Variants in SMCO2 observed in about 807,000 individuals in gnomAD.
SMCO2 encodes single-pass membrane and coiled-coil domain-containing protein 2.
A neutral mutation model predicts 29.5 loss-of-function variants in SMCO2; 25 were observed. The observed-to-expected ratio is 0.85, with a 90% CI of 0.62 to 1.18. The LOEUF is 1.18. SMCO2 is among the 50% of genes most tolerant of loss of function. The pLI, the probability that SMCO2 is intolerant of heterozygous loss-of-function variation, is 0.00. For missense variants in SMCO2, 348 were observed against 344.5 expected (o/e 1.01, Z -0.08); for synonymous variants, 117 against 123.3 (o/e 0.95, Z 0.34).
At chr12:27,494,275 C>A in intron 5 of SMCO2, 25 bp from the exon 7 acceptor site, 4 of 1,401,984 alleles carry the variant, frequency 2.9e-6, no homozygotes, top group Admixed American at 2.8e-5. Flanking sequence ...TTTCATTTTA[C>A]CCAGAATTGT....
chr12:27,478,887 C>G (rs893659874), intron 4 of SMCO2, among the ~76,000 whole-genome samples: 1 of 152,138 alleles, frequency 6.6e-6, no homozygotes, highest in Non-Finnish European at 1.5e-5. Flanking sequence ...ATGATGCACA[C>G]AAGTCCCCAG....
At chr12:27,493,122 GC>G (rs1942949183) in intron 5 of SMCO2, among the ~76,000 whole-genome samples, 1 of 152,082 alleles carries the variant, frequency 6.6e-6, no homozygotes, top group Non-Finnish European at 1.5e-5. Flanking sequence ...ATAAGTGGGA[GC>G]CAAATGATGA....
At chr12:27,445,960 A>G in the SMCO2 span, among the ~76,000 whole-genome samples, 3 of 150,540 alleles carry the variant, frequency 2.0e-5, no homozygotes, top group Non-Finnish European at 4.4e-5. Context: ...CTGGAGTGCA[A>G]TGGCGTGATC....
upstream of SMCO2, among the ~76,000 whole-genome samples, chr12:27,464,898 G>A (rs751638023): frequency 6.0e-5 from 9 of 150,544 alleles, no homozygotes; most frequent in South Asian, 2.1e-4. Context: ...GCATGGTGGC[G>A]GGTGCCTGTA....
chr12:27,472,670 G>A, intron 2 of SMCO2, 106 bp from the exon 3 acceptor site: 1 of 729,894 alleles, frequency 1.4e-6, no homozygotes, highest in Non-Finnish European at 2.2e-6. Context: ...TGCTCCCTGG[G>A]ACTGGGGAAG....
At chr12:27,486,041 T>C (rs1949686615) in intron 4 of SMCO2, among the ~76,000 whole-genome samples, 1 of 152,224 alleles carries the variant, frequency 6.6e-6, no homozygotes, top group Non-Finnish European at 1.5e-5. Flanking sequence ...ACCTGATGAC[T>C]TGAGTATTAT....
the SMCO2 span, among the ~76,000 whole-genome samples, chr12:27,430,571 A>G: frequency 1.3e-5 from 2 of 152,196 alleles, no homozygotes; most frequent in Non-Finnish European, 2.9e-5. Flanking sequence ...AACTTTTGTT[A>G]TATACAGAAA....
At chr12:27,460,268 A>T in the SMCO2 span, among the ~76,000 whole-genome samples, 1 of 152,164 alleles carries the variant, frequency 6.6e-6, no homozygotes, top group Non-Finnish European at 1.5e-5. Context: ...CCCTTGCACA[A>T]TGCCGGGGTT....
the SMCO2 span, chr12:27,424,595 T>A: frequency 2.6e-5 from 4 of 152,190 alleles, no homozygotes; most frequent in African/African-American, 9.7e-5. Flanking sequence ...GGGGCACAGG[T>A]ACAAGAAATA....
At position 27,470,642 on chromosome 12, in the gene SMCO2, CG is replaced by C. The variant is rs1315244959; in HGVS notation, c.12del (p.Thr6GlnfsTer3). 1.9e-6 allele frequency: 3 copies of C among 1,550,822 alleles called. No homozygotes were observed. The highest frequency in any genetic ancestry group is 1.2e-5 in the South Asian group (1 of 84,042). ...TACAGTGCCGAAGAAATGGCTCTCA[CG>C]CCCACAAACCTAAATAACAAAATGT... On this transcript the variant is annotated frameshift_variant, in exon 2 of 8. Coordinates refer to ENST00000298876, the Ensembl canonical transcript of SMCO2. LOFTEE classifies it high-confidence loss of function.
rs374659587 is a variant in SMCO2 at position 27,490,678 on chromosome 12, C to T, written c.450+2131C>T. On this transcript the variant is annotated intron_variant, in intron 5 of 7. Transcript: ENST00000298876. ...AATGTGGTGACTCACACCTGTAACCCCAGCACTTTGGGAGGCCAAGGGAGG... is the reference window on the plus strand; with the variant it reads ...AATGTGGTGACTCACACCTGTAACCTCAGCACTTTGGGAGGCCAAGGGAGG... 4.7e-4 allele frequency among the ~76,000 whole-genome samples: 71 copies of T among 152,230 alleles called. No individual in the cohort carries two copies. The South Asian group carries it at 0.013, about 29-fold the overall frequency.
intron 6 of SMCO2, 78 bp downstream of exon 7, chr12:27,494,434 T>C: frequency 2.2e-6 from 2 of 917,292 alleles, no homozygotes; most frequent in Non-Finnish European, 3.2e-6. Context: ...ATTCATTGCC[T>C]AGAATATGAC....
the SMCO2 span, among the ~76,000 whole-genome samples, chr12:27,447,927 G>T: frequency 4.6e-5 from 7 of 152,194 alleles, no homozygotes; most frequent in South Asian, 1.5e-3. Flanking sequence ...CCTATGTGCT[G>T]CCACCGCAAC....
At chr12:27,472,273 C>T (rs751501030) in intron 2 of SMCO2, among the ~76,000 whole-genome samples, 6 of 152,070 alleles carry the variant, frequency 3.9e-5, no homozygotes, top group South Asian at 2.1e-4. Flanking sequence ...TATATACACG[C>T]ATACATGCAT....
intron 3 of SMCO2, among the ~76,000 whole-genome samples, chr12:27,473,342 C>T (rs535298416): frequency 3.9e-5 from 6 of 152,278 alleles, no homozygotes; most frequent in African/African-American, 1.2e-4. Flanking sequence ...AGCTACATAA[C>T]TCCTGGTCTC....
intron 4 of SMCO2, among the ~76,000 whole-genome samples, chr12:27,477,520 T>A (rs1483968261): frequency 6.6e-6 from 1 of 151,712 alleles, no homozygotes; most frequent in Non-Finnish European, 1.5e-5. Context: ...TTTCATTAAA[T>A]TTTTTTTAAT....
chr12:27,501,379 G>A lies in SMCO2; in HGVS notation c.684-544G>A, dbSNP rs192370561. Among the ~76,000 whole-genome samples, 42 of 127,146 alleles carry A rather than the reference G, an allele frequency of 3.3e-4. 1 individual carries two copies. Among genetic ancestry groups the A allele is most frequent in the African/African-American group, 1.3e-3 (40 of 31,762 alleles). 83.4% of individuals were successfully genotyped at this position (127,146 alleles called of 152,430 possible). ...TGCAGTGAGCCGGGATAGCGCCACT[G>A]CAGTCCAGCTTGGGCGAAAGAGTGA... On this transcript the variant is annotated intron_variant, in intron 7 of 7. Coordinates refer to ENST00000298876, the Ensembl canonical transcript of SMCO2.
At chr12:27,481,620 A>G (rs1375508641) in intron 4 of SMCO2, among the ~76,000 whole-genome samples, 1 of 152,204 alleles carries the variant, frequency 6.6e-6, no homozygotes, top group Non-Finnish European at 1.5e-5. Context: ...TCTTTGTGGT[A>G]AGGTTTTTAA....
upstream of SMCO2, among the ~76,000 whole-genome samples, chr12:27,464,877 A>T (rs1242939807): frequency 2.7e-5 from 4 of 150,932 alleles, no homozygotes; most frequent in African/African-American, 7.3e-5. Context: ...CACACAAAAA[A>T]AATTAGCCGG....
Sources: gnomAD v4.1 joint callset for allele counts (sites outside exome capture counted in the v4.1 genomes callset) on GRCh38, gnomAD v4.1.1 for gene constraint, MANE v1.5 for transcripts, NCBI Gene and HGNC (gene_info 2026-07-23, HGNC 2026-07-21) for gene names.